DNAH8: variants seen among roughly 807,000 people sequenced by gnomAD.
The protein encoded by DNAH8 is dynein axonemal heavy chain 8, also known as axonemal beta dynein heavy chain 8.
In DNAH8, 382 loss-of-function variants were observed where a neutral mutation model predicts 562.1. That is an observed-to-expected ratio of 0.68 (90% CI 0.63 to 0.74). The LOEUF is 0.74. Among genes scored for constraint, DNAH8 ranks in the 30% least tolerant of loss-of-function variants. DNAH8 has a pLI of 0.00. For synonymous variants in DNAH8, 1,881 were observed against 1,919.4 expected (o/e 0.98, Z 0.52); for missense variants, 5,203 against 5,620.4 (o/e 0.93, Z 2.37).
At chr6:38,911,987 G>A (rs1413752808) in intron 66 of DNAH8, among the ~76,000 whole-genome samples, 1 of 152,104 alleles carries the variant, frequency 6.6e-6, no homozygotes, top group Non-Finnish European at 1.5e-5. Context: ...TAAAGAAAAA[G>A]GCAAAATAGA....
Position 38,724,714 on chromosome 6 carries a change from C to T in DNAH8, c.525+1243C>T, listed in dbSNP as rs147544824. On this transcript the variant is annotated intron_variant, in intron 3 of 92. Coordinates refer to ENST00000327475, the MANE Select transcript of DNAH8 (RefSeq NM_001206927.2). ...TACACTTGTGTCATAGCTTCCCTCG[C>T]GATAGCTCTGGTTCTAAGATAATTT... Among the ~76,000 whole-genome samples, 18 of 152,264 alleles carry T rather than the reference C, an allele frequency of 1.2e-4. No homozygotes were observed. The East Asian group carries it at 1.5e-3, about 13-fold the overall frequency.
intron 10 of DNAH8, among the ~76,000 whole-genome samples, chr6:38,757,329 GT>G (rs1302422469): frequency 6.7e-6 from 1 of 148,934 alleles, no homozygotes; most frequent in African/African-American, 2.5e-5. Flanking sequence ...CTTTTGAGAA[GT>G]GTCTGTTCAT....
intron 85 of DNAH8, 90 bp from the exon 86 acceptor site, chr6:38,982,256 G>C (rs1561940516): frequency 1.6e-6 from 1 of 637,800 alleles, no homozygotes; most frequent in Non-Finnish European, 2.9e-6. Flanking sequence ...AATTTATTTT[G>C]ATAATATAGC....
At chr6:38,819,392 C>T (rs1772606420) in intron 26 of DNAH8, among the ~76,000 whole-genome samples, 1 of 152,124 alleles carries the variant, frequency 6.6e-6, no homozygotes, top group African/African-American at 2.4e-5. Context: ...GTGGTGAGTA[C>T]ATTGGAATTC....
chr6:38,971,769 T>C (rs761298209), intron 83 of DNAH8, 104 bp downstream of exon 83: 98 of 848,644 alleles, frequency 1.2e-4, no homozygotes, highest in Non-Finnish European at 1.6e-4. Context: ...GGTTTTTCCA[T>C]TTTTGTTTAT....
At position 38,872,661 on chromosome 6, in the gene DNAH8, G is replaced by T; in HGVS notation, c.7116G>T (p.Met2372Ile). The change falls in exon 50 of 93, where the codon ATG becomes ATT. Residue 2372 changes from methionine (M) to isoleucine (I), a missense_variant. Transcript: ENST00000327475. ...AATGCGGAAGGCCTCATAGAGAAAT[G>T]CGAATGAATCCAAAAGCCATTACTG... ...QTECGRPHRE[M>I]RMNPKAITAP... 1 of 1,614,114 alleles carries T rather than the reference G, an allele frequency of 6.2e-7. No homozygotes were observed. Among genetic ancestry groups the T allele is most frequent in the Non-Finnish European group, 8.5e-7 (1 of 1,179,984 alleles).
In DNAH8 at chr6:38,775,977, T is replaced by C. The variant is rs375913396; in HGVS notation, c.1962+26T>C. On this transcript the variant is annotated intron_variant, in intron 13 of 92. Transcript: ENST00000327475. The stretch of plus-strand genomic sequence containing the variant: ...GTAAGTAATTATACCTACTTTTACT[T>C]AGTAAAGCTGAAAAGTAGTCAGTAG... 20 of 1,485,312 alleles carry C rather than the reference T, an allele frequency of 1.3e-5. No individual in the cohort carries two copies. In the African/African-American group the frequency reaches 2.4e-4, roughly 18 times the overall value. The allele number at this position is 1,485,312 out of a possible 1,614,324, so 92.0% of individuals were successfully genotyped here. A position where few individuals can be genotyped will look rare whatever the true frequency, so the allele number is the denominator to read the frequency against.
At chr6:38,778,562 C>A in intron 14 of DNAH8, 98 bp downstream of exon 14, 1 of 723,032 alleles carries the variant, frequency 1.4e-6, no homozygotes, top group Non-Finnish European at 2.3e-6. Flanking sequence ...ATCTGTCCTA[C>A]ATAAACCTTA....
chr6:38,936,872 T>C lies in DNAH8; in HGVS notation c.11564-1102T>C, dbSNP rs570782582. ...TTGTCTGCCATCCCGAACTCTAGGG[T>C]AGGCCAGAGTGCTGCTGTTCGCAGA... is the stretch of plus-strand genomic sequence containing the variant. On this transcript the variant is annotated intron_variant, in intron 77 of 92. Transcript: ENST00000327475. Among the ~76,000 whole-genome samples the C allele has an allele frequency of 3.9e-5, 6 of 152,228 alleles. No individual in the cohort carries two copies. The South Asian group carries it at 1.2e-3, about 32-fold the overall frequency.
chr6:38,729,853 AG>A, intron 3 of DNAH8, 48 bp from the exon 4 acceptor site: 2 of 1,011,024 alleles, frequency 2.0e-6, no homozygotes, highest in Non-Finnish European at 3.0e-6. Flanking sequence ...CAAAATACTA[AG>A]AATTTTTCCT....
Position 38,875,661 on chromosome 6 carries a change from A to C in DNAH8, c.7691A>C (p.His2564Pro). ...EGGVSCVEHL[H>P]KLFVFGLMWS... is the part of the protein sequence containing the mutation. ...GGTGTTTCCTGTGTCGAACATCTTC[A>C]TAAATTATTTGTGTTTGGCCTAATG... is the stretch of plus-strand genomic sequence containing the variant. Residue 2564 changes from histidine to proline, a missense_variant, in exon 53 of 93, where the codon CAT becomes CCT. This residue lies in a region of DNAH8 where 977 missense variants were observed against 1,061.8 expected (regional missense o/e 0.92). Coordinates refer to ENST00000327475, the MANE Select transcript of DNAH8 (RefSeq NM_001206927.2). The C allele has an allele frequency of 6.2e-7, 1 of 1,613,868 alleles. No homozygotes were observed. The highest frequency in any genetic ancestry group is 8.5e-7 in the Non-Finnish European group (1 of 1,179,816).
chr6:38,983,791 T>C (rs1157191829), intron 86 of DNAH8, among the ~76,000 whole-genome samples: 8 of 152,234 alleles, frequency 5.3e-5, no homozygotes, highest in Admixed American at 5.2e-4. Context: ...GTTCTCGTAA[T>C]GATTCCAGAA....
intron 15 of DNAH8, among the ~76,000 whole-genome samples, chr6:38,780,704 G>A (rs1003920585): frequency 1.3e-5 from 2 of 152,092 alleles, no homozygotes; most frequent in Admixed American, 6.6e-5. Context: ...GTGGGAGAAG[G>A]GAGAGGATCA....
chr6:38,761,583 A>C, intron 10 of DNAH8, 119 bp from the exon 11 acceptor site: 1 of 534,730 alleles, frequency 1.9e-6, no homozygotes, highest in Non-Finnish European at 3.0e-6. Flanking sequence ...GGCATGAGCC[A>C]CTGCACTTGG....
rs755987913 is a variant in DNAH8, at chr6:38,945,442, C to T, written c.12008-25C>T. ...AAGTGAAGTACAGGCTTACCCAATT[C>T]ACCCTGTCTGACGCTCTTCCCCAGG... On this transcript the variant is annotated intron_variant, in intron 79 of 92. Coordinates refer to ENST00000327475, the MANE Select transcript of DNAH8 (RefSeq NM_001206927.2). The T allele has an allele frequency of 2.5e-6, 4 of 1,613,268 alleles. No homozygotes were observed. The Admixed American group carries it at 6.7e-5, about 27-fold the overall frequency.
At chr6:38,851,313 A>G (rs73731145) in intron 38 of DNAH8, among the ~76,000 whole-genome samples, 1,563 of 152,270 alleles carry the variant, frequency 0.01, 23 homozygotes, top group African/African-American at 0.034. Context: ...CAGAAAGGTC[A>G]TAGGAGGGCA....
Position 39,019,157 on chromosome 6 carries a change from G to A in DNAH8, c.13714+6520G>A, listed in dbSNP as rs911481217. ...GTGGGAGGAATGAAGGAGGGAGAGA[G>A]AGCTCAACAATCCCAGGGAGGAGGT... On this transcript the variant is annotated intron_variant, in intron 91 of 92. Transcript: ENST00000327475. Among the ~76,000 whole-genome samples the A allele has an allele frequency of 2.0e-4, 31 of 152,050 alleles. 1 individual carries two copies. The highest frequency in any genetic ancestry group is 2.0e-3 in the Admixed American group (31 of 15,272).
intron 35 of DNAH8, 114 bp from the exon 36 acceptor site, chr6:38,845,460 T>C: frequency 1.4e-6 from 1 of 707,066 alleles, no homozygotes; most frequent in South Asian, 1.9e-5. Flanking sequence ...AATGACTAAA[T>C]GAACTGGGTG....
At chr6:38,925,280 T>G (rs1480011167) in intron 73 of DNAH8, among the ~76,000 whole-genome samples, 2 of 149,820 alleles carry the variant, frequency 1.3e-5, no homozygotes, top group Non-Finnish European at 1.5e-5. Context: ...GCTCATTGGA[T>G]CTCTGATTAT....
Sources: allele counts gnomAD v4.1 joint callset (sites outside exome capture counted in the v4.1 genomes callset), GRCh38; gene constraint gnomAD v4.1.1; regional missense constraint gnomAD v4.1.1; transcripts MANE v1.5; gene names NCBI Gene and HGNC (gene_info 2026-07-23, HGNC 2026-07-21).